The following CNTN4 variants were observed in gnomAD, a reference collection of about 807,000 sequenced individuals.
CNTN4 encodes contactin-4.
A neutral mutation model predicts 122.5 loss-of-function variants in CNTN4; 77 were observed. The ratio of observed to expected loss-of-function variants is 0.63; its 90% CI spans 0.52 to 0.76. CNTN4 has a LOEUF of 0.76. Ranked by LOEUF, CNTN4 falls within the 30% of genes least tolerant of loss-of-function variation. The probability of loss-of-function intolerance (pLI) is 0.00; values close to 1 mark genes in which losing one functional copy is unlikely to be tolerated. For synonymous variants in CNTN4, 512 were observed against 447.0 expected (o/e 1.15, Z -1.83); for missense variants, 1,256 against 1,259.1 (o/e 1.00, Z 0.04).
chr3:2,558,155 C>T (rs943750416), intron 3 of CNTN4, among the ~76,000 whole-genome samples: 7 of 152,156 alleles, frequency 4.6e-5, no homozygotes, highest in African/African-American at 1.4e-4. Context: ...GCAAAAATGT[C>T]AGCGTTTCCA....
intron 2 of CNTN4, among the ~76,000 whole-genome samples, chr3:2,282,333 A>T (rs1465437721): frequency 6.6e-6 from 1 of 152,160 alleles, no homozygotes; most frequent in African/African-American, 2.4e-5. Flanking sequence ...CTTCCTTAAA[A>T]TAAGCATATA....
chr3:2,274,494 C>G (rs2041424211), intron 2 of CNTN4, among the ~76,000 whole-genome samples: 1 of 148,218 alleles, frequency 6.7e-6, no homozygotes, highest in Admixed American at 6.9e-5. Flanking sequence ...TTCACCAAAA[C>G]TAAAGAAACA....
chr3:2,264,785 T>G (rs187535310), intron 2 of CNTN4, among the ~76,000 whole-genome samples: 2 of 152,236 alleles, frequency 1.3e-5, no homozygotes, highest in East Asian at 3.9e-4. Flanking sequence ...CCATTTTGAG[T>G]TAATTTTTTA....
chr3:2,944,961 A>G (rs1262892296), intron 13 of CNTN4, among the ~76,000 whole-genome samples: 1 of 151,996 alleles, frequency 6.6e-6, no homozygotes, highest in Non-Finnish European at 1.5e-5. Context: ...ACCTTGAGGC[A>G]AGGGAATGTG....
chr3:2,430,699 T>C (rs1308305535), intron 3 of CNTN4, among the ~76,000 whole-genome samples: 2 of 152,078 alleles, frequency 1.3e-5, no homozygotes, highest in East Asian at 3.9e-4. Context: ...GATTTACTTA[T>C]AACTGTTGTG....
chr3:2,362,579 G>A, intron 3 of CNTN4: 1 of 553,216 alleles, frequency 1.8e-6, no homozygotes, highest in Non-Finnish European at 3.5e-6. Context: ...GAAGACAGCA[G>A]CTTCTTGGAC....
At chr3:2,466,961 T>C (rs968089594) in intron 3 of CNTN4, among the ~76,000 whole-genome samples, 1 of 140,812 alleles carries the variant, frequency 7.1e-6, no homozygotes, top group South Asian at 2.2e-4. Flanking sequence ...TTTCTTTCTT[T>C]CTTTCTTTCT....
At chr3:3,027,383 GA>G (rs1312138676) in intron 15 of CNTN4, among the ~76,000 whole-genome samples, 1 of 152,186 alleles carries the variant, frequency 6.6e-6, no homozygotes, top group African/African-American at 2.4e-5. Flanking sequence ...CCCTGACTGA[GA>G]AAGGCTGGAT....
chr3:2,174,893 G>C (rs1229559884), intron 2 of CNTN4, among the ~76,000 whole-genome samples: 1 of 152,002 alleles, frequency 6.6e-6, no homozygotes, highest in South Asian at 2.1e-4. Context: ...TCAAACAACT[G>C]TATATGGACA....
intron 3 of CNTN4, among the ~76,000 whole-genome samples, chr3:2,439,169 G>A (rs563931632): frequency 1.4e-4 from 21 of 152,270 alleles, no homozygotes; most frequent in Admixed American, 5.9e-4. Context: ...TTTTATATTA[G>A]AGCATTAGGA....
At chr3:2,769,655 G>C (rs969279537) in intron 6 of CNTN4, among the ~76,000 whole-genome samples, 3 of 152,080 alleles carry the variant, frequency 2.0e-5, no homozygotes, top group African/African-American at 7.2e-5. Flanking sequence ...ACCTATGTTG[G>C]TTTCACACAC....
intron 2 of CNTN4, among the ~76,000 whole-genome samples, chr3:2,133,565 C>G (rs1164054428): frequency 2.6e-5 from 4 of 152,088 alleles, no homozygotes; most frequent in Non-Finnish European, 4.4e-5. Flanking sequence ...TGAAATGAGT[C>G]TCTGATTTCT....
In CNTN4 at chr3:2,113,675, GAGTC is replaced by G. The variant is rs1325592215; in HGVS notation, c.-145+13037_-145+13040del. ...GTTGAGTTTGGCCAAATGATGATCA[GAGTC>G]TATATAGTTTAAGGCGCAGATACAC... On this transcript the variant is annotated intron_variant, in intron 2 of 24. Transcript: ENST00000418658. 9.5e-5 allele frequency among the ~76,000 whole-genome samples: 10 copies of G among 105,446 alleles called. No homozygotes were observed. The Admixed American group carries it at 1.0e-3, about 11-fold the overall frequency. 69.2% of individuals were successfully genotyped at this position (105,446 alleles called of 152,430 possible).
At chr3:2,509,161 T>G (rs562579617) in intron 3 of CNTN4, among the ~76,000 whole-genome samples, 2 of 152,360 alleles carry the variant, frequency 1.3e-5, no homozygotes, top group Non-Finnish European at 2.9e-5. Flanking sequence ...ATTTCTCCTC[T>G]CTTCATTTGC....
intron 2 of CNTN4, among the ~76,000 whole-genome samples, chr3:2,221,824 A>C (rs2039072341): frequency 6.6e-6 from 1 of 152,168 alleles, no homozygotes; most frequent in Admixed American, 6.5e-5. Context: ...AGGTAAATGC[A>C]AATAAAAGTC....
intron 4 of CNTN4, among the ~76,000 whole-genome samples, chr3:2,595,053 A>G (rs1416470029): frequency 6.6e-6 from 1 of 152,164 alleles, no homozygotes; most frequent in Admixed American, 6.5e-5. Context: ...AGAAATACAG[A>G]ACTTCAGATA....
At chr3:2,180,873 ACAAT>A (rs2036984164) in intron 2 of CNTN4, among the ~76,000 whole-genome samples, 1 of 152,120 alleles carries the variant, frequency 6.6e-6, no homozygotes, top group African/African-American at 2.4e-5. Flanking sequence ...AGTCTGTAAG[ACAAT>A]CAAGGTCAAA....
intron 2 of CNTN4, among the ~76,000 whole-genome samples, chr3:2,230,930 A>G (rs1368678813): frequency 6.6e-6 from 1 of 152,062 alleles, no homozygotes; most frequent in Non-Finnish European, 1.5e-5. Flanking sequence ...TGAGGCTGCT[A>G]TGAGCCATGA....
chr3:2,261,648 T>C (rs887026540), intron 2 of CNTN4, among the ~76,000 whole-genome samples: 2 of 152,188 alleles, frequency 1.3e-5, no homozygotes, highest in African/African-American at 4.8e-5. Context: ...CTGCAGAATT[T>C]CAGTTTGAAA....
Sources: gnomAD v4.1 joint callset for allele counts (sites outside exome capture counted in the v4.1 genomes callset) on GRCh38, gnomAD v4.1.1 for gene constraint, MANE v1.5 for transcripts, NCBI Gene and HGNC (gene_info 2026-07-23, HGNC 2026-07-21) for gene names.